Variants in HERC2 observed in about 807,000 individuals in gnomAD.
HERC2 encodes HECT and RLD domain containing E3 ubiquitin protein ligase 2.
HERC2 carries 102 observed loss-of-function variants against 537.7 expected under a neutral mutation model. The ratio of observed to expected loss-of-function variants is 0.19; its 90% CI spans 0.16 to 0.22. HERC2 has a LOEUF of 0.22. Ranked by LOEUF, HERC2 falls within the 10% of genes least tolerant of loss-of-function variation. The pLI is 1.00. For synonymous variants in HERC2, 2,224 were observed against 2,466.2 expected, an observed-to-expected ratio of 0.90 and a Z score of 2.91; for missense variants, 4,236 against 6,198.2, an observed-to-expected ratio of 0.68 and a Z score of 10.63.
At chr15:28,278,391 A>C (rs769294109) in intron 5 of HERC2, among the ~76,000 whole-genome samples, 27 of 152,282 alleles carry the variant, frequency 1.8e-4, no homozygotes, top group East Asian at 5.8e-4. Flanking sequence ...AACAAACAAA[A>C]AAAAATCATC....
intron 53 of HERC2, among the ~76,000 whole-genome samples, 192 bp downstream of exon 53, chr15:28,191,769 T>A (rs1264552158): frequency 6.6e-6 from 1 of 152,226 alleles, no homozygotes; most frequent in Non-Finnish European, 1.5e-5. Context: ...TCGTATTGTT[T>A]AAAATCTCTG....
chr15:28,241,325 T>C (rs1386878659), intron 23 of HERC2, among the ~76,000 whole-genome samples: 1 of 151,944 alleles, frequency 6.6e-6, no homozygotes, highest in Non-Finnish European at 1.5e-5. Flanking sequence ...CACAATGAGA[T>C]ACCACTTCAC....
chr15:28,116,894 A>C (rs1888315436), intron 87 of HERC2, 35 bp from the exon 88 acceptor site: 3 of 1,608,136 alleles, frequency 1.9e-6, no homozygotes, highest in Non-Finnish European at 1.7e-6. Context: ...AAGTCCCCTC[A>C]CACAGTCCTG....
At chr15:28,245,800 T>G (rs1317423208) in intron 23 of HERC2, 81 bp downstream of exon 23, 1 of 1,212,268 alleles carries the variant, frequency 8.2e-7, no homozygotes, top group Non-Finnish European at 1.2e-6. Context: ...TTGTAAAGTA[T>G]TCTTTCAAAT....
chr15:28,280,452 C>T (rs960655858), intron 4 of HERC2, among the ~76,000 whole-genome samples, 165 bp from the exon 5 acceptor site: 1 of 152,098 alleles, frequency 6.6e-6, no homozygotes, highest in Non-Finnish European at 1.5e-5. Context: ...ACCCTCACAC[C>T]CAGCACTGTC....
At chr15:28,223,795 T>A (rs1340882086) in intron 35 of HERC2, among the ~76,000 whole-genome samples, 1 of 152,140 alleles carries the variant, frequency 6.6e-6, no homozygotes. Flanking sequence ...AGGCCGCAAA[T>A]ATAGACAGAT....
intron 43 of HERC2, 138 bp downstream of exon 43, chr15:28,212,307 A>G: frequency 1.4e-6 from 1 of 718,168 alleles, no homozygotes; most frequent in Non-Finnish European, 2.5e-6. Flanking sequence ...TACATTCCCA[A>G]CCGCAACTCA....
chr15:28,223,118 C>T (rs1268481702), intron 35 of HERC2, among the ~76,000 whole-genome samples: 2 of 152,134 alleles, frequency 1.3e-5, no homozygotes, highest in Non-Finnish European at 2.9e-5. Context: ...ACAATTGGTG[C>T]CCTGGGTGGC....
chr15:28,319,836 C>T (rs151271682), intron 2 of HERC2, among the ~76,000 whole-genome samples: 8 of 152,264 alleles, frequency 5.3e-5, no homozygotes, highest in Admixed American at 1.3e-4. Flanking sequence ...CACTTTATTA[C>T]GTAAAGTCCT....
intron 56 of HERC2, among the ~76,000 whole-genome samples, chr15:28,183,311 G>C (rs1383224691): frequency 2.0e-5 from 3 of 152,192 alleles, no homozygotes; most frequent in Non-Finnish European, 1.5e-5. Flanking sequence ...CCAGGCTCAA[G>C]CAATCCTTCC....
At chr15:28,292,598 T>C (rs1234049736) in intron 4 of HERC2, among the ~76,000 whole-genome samples, 1 of 151,938 alleles carries the variant, frequency 6.6e-6, no homozygotes, top group Non-Finnish European at 1.5e-5. Context: ...GGGAGATCCC[T>C]TGAAGCCAGG....
intron 2 of HERC2, among the ~76,000 whole-genome samples, chr15:28,303,526 T>C: frequency 6.6e-6 from 1 of 152,274 alleles, no homozygotes; most frequent in Admixed American, 6.5e-5. Flanking sequence ...GCTTTGGCTA[T>C]TCTGTCTCTT....
chr15:28,259,155 C>G (rs377718130), intron 16 of HERC2, among the ~76,000 whole-genome samples: 1 of 152,166 alleles, frequency 6.6e-6, no homozygotes, highest in Non-Finnish European at 1.5e-5. Flanking sequence ...AGTGCAATGG[C>G]GCCATCCCGG....
At chr15:28,229,105 T>C in intron 34 of HERC2, 90 bp downstream of exon 34, 1 of 1,171,582 alleles carries the variant, frequency 8.5e-7, no homozygotes, top group Non-Finnish European at 1.3e-6. Context: ...ATTAAAATCT[T>C]CTCAAAAGCA....
chr15:28,247,043 G>A (rs1029252729), intron 21 of HERC2, 146 bp from the exon 22 acceptor site: 9 of 690,756 alleles, frequency 1.3e-5, no homozygotes, highest in Non-Finnish European at 1.9e-5. Flanking sequence ...CCTTGTCCTT[G>A]CGCTCTTTCT....
At chr15:28,264,598 C>T (rs1359422209) in intron 14 of HERC2, among the ~76,000 whole-genome samples, 1 of 152,140 alleles carries the variant, frequency 6.6e-6, no homozygotes, top group African/African-American at 2.4e-5. Context: ...AAAGAAACAC[C>T]AGTGTGAGGA....
rs558317005 is a variant in HERC2 at position 28,266,120 on chromosome 15, G to T, written c.1599-146C>A. 5.1e-5 allele frequency: 44 copies of T among 855,470 alleles called. No individual in the cohort carries two copies. The East Asian group carries it at 8.3e-4, about 16-fold the overall frequency. 53.0% of individuals were successfully genotyped at this position (855,470 alleles called of 1,614,324 possible). A position where few individuals can be genotyped will look rare whatever the true frequency, so the allele number is the denominator to read the frequency against. ...TCCAGGTACCTTGTGAAAGAAGGAA[G>T]AGAGAATTCCAACACCTAACACCTC... is the stretch of plus-strand genomic sequence containing the variant. On this transcript the variant is annotated intron_variant, in intron 12 of 92. Coordinates refer to ENST00000261609, the MANE Select transcript of HERC2 (RefSeq NM_004667.6).
Position 28,248,559 on chromosome 15 carries a change from ATC to A in HERC2, c.3226_3227del (p.Asp1076TyrfsTer3), listed in dbSNP as rs1362485547. 6.2e-7 allele frequency: 1 copy of A among 1,612,906 alleles called. No homozygotes were observed. Among genetic ancestry groups the A allele is most frequent in the African/African-American group, 1.3e-5 (1 of 74,900 alleles). On this transcript the variant is annotated frameshift_variant, in exon 21 of 93. Transcript: ENST00000261609. LOFTEE classifies it high-confidence loss of function. The stretch of plus-strand genomic sequence containing the variant: ...ACATTTTAAGCAACTTACTAGAAAT[ATC>A]TGAGGTCTGACCAATACTTTCTCCT... ...YPGESIGQTS[D>X]ISSPELMGVG...
chr15:28,215,556 A>C (rs2428632), intron 39 of HERC2, 65 bp downstream of exon 39: 8 of 1,427,684 alleles, frequency 5.6e-6, no homozygotes, highest in African/African-American at 1.4e-5. Context: ...CTGACTCTGA[A>C]GGCAGGGAAC....
Sources: gnomAD v4.1 joint callset for allele counts (sites outside exome capture counted in the v4.1 genomes callset) on GRCh38, gnomAD v4.1.1 for gene constraint, MANE v1.5 for transcripts, NCBI Gene and HGNC (gene_info 2026-07-23, HGNC 2026-07-21) for gene names.